Variants in ZFHX3 observed in about 807,000 individuals in gnomAD.
ZFHX3 encodes the protein zinc finger homeobox 3, also known as zinc finger homeobox protein 3.
A neutral mutation model predicts 279.1 loss-of-function variants in ZFHX3; 42 were observed. The ratio of observed to expected loss-of-function variants is 0.15; its 90% CI spans 0.12 to 0.19. The LOEUF (loss-of-function observed/expected upper bound fraction) is 0.19. ZFHX3 is among the 10% of genes least tolerant of loss of function. ZFHX3 has a pLI of 1.00. For synonymous variants in ZFHX3, 2,293 were observed against 1,957.8 expected (o/e 1.17, Z -4.52); for missense variants, 4,981 against 4,754.0 (o/e 1.05, Z -1.40).
chr16:72,903,771 C>G (rs1481254056), intron 3 of ZFHX3, among the ~76,000 whole-genome samples: 1 of 152,180 alleles, frequency 6.6e-6, no homozygotes, highest in Non-Finnish European at 1.5e-5. Flanking sequence ...ACGAGAATAA[C>G]TGGGTCTTTT....
intron 4 of ZFHX3, among the ~76,000 whole-genome samples, chr16:73,317,062 T>C (rs2143184053): frequency 6.6e-6 from 1 of 152,218 alleles, no homozygotes; most frequent in South Asian, 2.1e-4. Context: ...TGGGCAGGTC[T>C]AGGGTGATGG....
rs576075076 is a variant in ZFHX3, at chr16:73,567,800, C to T, written c.-1546-111542G>A. Among the ~76,000 whole-genome samples the T allele has an allele frequency of 6.6e-5, 10 of 152,242 alleles. No individual in the cohort carries two copies. The South Asian group carries it at 1.5e-3, about 22-fold the overall frequency. On this transcript the variant is annotated intron_variant, in intron 2 of 17. Coordinates refer to the ZFHX3 transcript ENST00000641206. ...AACAGGCAACAATATTGTATACCTTCGAATTTTTCAATAACGAGCCTTGAA... is the reference window on the plus strand; with the variant it reads ...AACAGGCAACAATATTGTATACCTTTGAATTTTTCAATAACGAGCCTTGAA...
intron 4 of ZFHX3, among the ~76,000 whole-genome samples, chr16:72,851,748 A>G (rs755235578): frequency 6.6e-6 from 1 of 151,954 alleles, no homozygotes; most frequent in African/African-American, 2.4e-5. Context: ...ACGGGGTTTC[A>G]CCATGTTGGC....
At chr16:73,572,577 G>A (rs1015120881) in intron 2 of ZFHX3, among the ~76,000 whole-genome samples, 1 of 152,138 alleles carries the variant, frequency 6.6e-6, no homozygotes, top group African/African-American at 2.4e-5. Flanking sequence ...TTGGTCCACA[G>A]AACAATCACA....
chr16:73,755,024 T>A (rs2053795651), intron 1 of ZFHX3, among the ~76,000 whole-genome samples: 1 of 152,220 alleles, frequency 6.6e-6, no homozygotes, highest in Non-Finnish European at 1.5e-5. Context: ...ACAAAGGAGA[T>A]GCTTGTGTCA....
intron 3 of ZFHX3, among the ~76,000 whole-genome samples, chr16:73,422,999 T>A (rs1298335856): frequency 6.6e-6 from 1 of 152,194 alleles, no homozygotes; most frequent in Non-Finnish European, 1.5e-5. Flanking sequence ...CATTGTGTCT[T>A]CAAATGGTCT....
At chr16:73,293,986 C>CAAAAAAA (rs56783722) in intron 4 of ZFHX3, 21 of 41,748 alleles carry the variant, frequency 5.0e-4, no homozygotes, top group African/African-American at 1.3e-3. Context: ...GTCAATATGC[C>CAAAAAAA]AAAAAAAAAA....
At chr16:72,985,055 C>CA (rs1962788417) in intron 1 of ZFHX3, among the ~76,000 whole-genome samples, 1 of 152,184 alleles carries the variant, frequency 6.6e-6, no homozygotes, top group African/African-American at 2.4e-5. Flanking sequence ...AACACGCCCC[C>CA]ACAGGCAAGA....
Position 72,787,039 on chromosome 16 carries a change from C to CTTTTTT in ZFHX3, c.*119_*124dup, listed in dbSNP as rs76239888. ...ACAACCCACGCTTTTTCTTTTTTTT[C>CTTTTTT]TTTTTTTTTTTTTTTTTGTTTTTTG... is the stretch of plus-strand genomic sequence containing the variant. On this transcript the variant is annotated 3_prime_UTR_variant, in exon 10 of 10. Transcript: ENST00000268489. 11 of 684,950 alleles carry CTTTTTT rather than the reference C, an allele frequency of 1.6e-5. No homozygotes were observed. Among genetic ancestry groups the CTTTTTT allele is most frequent in the South Asian group, 1.3e-4 (2 of 15,328 alleles). 42.4% of individuals were successfully genotyped at this position (684,950 alleles called of 1,614,324 possible). A position where few individuals can be genotyped will look rare whatever the true frequency, so the allele number is the denominator to read the frequency against.
At chr16:73,698,714 A>T (rs2053219917) in intron 1 of ZFHX3, among the ~76,000 whole-genome samples, 1 of 152,170 alleles carries the variant, frequency 6.6e-6, no homozygotes, top group Non-Finnish European at 1.5e-5. Flanking sequence ...GAAACTGTCA[A>T]GGTCATGGAA....
intron 8 of ZFHX3, among the ~76,000 whole-genome samples, chr16:73,066,333 G>C (rs903589074): frequency 6.6e-6 from 1 of 152,186 alleles, no homozygotes; most frequent in African/African-American, 2.4e-5. Flanking sequence ...CCTTATCATT[G>C]AGAATTCGAC....
chr16:72,830,122 T>C (rs1268700260), intron 4 of ZFHX3, among the ~76,000 whole-genome samples: 1 of 152,208 alleles, frequency 6.6e-6, no homozygotes, highest in Non-Finnish European at 1.5e-5. Context: ...TCCAGATAGA[T>C]TCTGAATGCT....
chr16:73,262,719 C>T (rs1403921363), intron 4 of ZFHX3, among the ~76,000 whole-genome samples: 1 of 152,108 alleles, frequency 6.6e-6, no homozygotes, highest in African/African-American at 2.4e-5. Context: ...TTTTCTCTAC[C>T]CCTTTAACGT....
At chr16:73,301,690 T>A (rs1005805239) in intron 4 of ZFHX3, among the ~76,000 whole-genome samples, 10 of 151,418 alleles carry the variant, frequency 6.6e-5, no homozygotes, top group African/African-American at 2.4e-4. Context: ...GCCAAGTCCC[T>A]CATGGCTTAA....
At chr16:73,075,470 C>T (rs933085154) in intron 8 of ZFHX3, among the ~76,000 whole-genome samples, 1 of 152,134 alleles carries the variant, frequency 6.6e-6, no homozygotes, top group African/African-American at 2.4e-5. Flanking sequence ...ACTTCTCTCT[C>T]TCATGGCAAA....
intron 3 of ZFHX3, among the ~76,000 whole-genome samples, chr16:73,348,620 G>A (rs1319806342): frequency 2.6e-5 from 4 of 152,288 alleles, no homozygotes; most frequent in South Asian, 4.1e-4. Context: ...ACTGATCTTC[G>A]CAGGTGTTAT....
Position 73,200,226 on chromosome 16 carries a change from G to A in ZFHX3, c.-1103-56395C>T, listed in dbSNP as rs865979117. Among the ~76,000 whole-genome samples, 29 of 152,160 alleles carry A rather than the reference G, an allele frequency of 1.9e-4. 1 individual carries two copies. Among genetic ancestry groups the A allele is most frequent in the Admixed American group, 5.2e-4 (8 of 15,292 alleles). ...AATAGTAGTAAATCGTATTAAATTG[G>A]TGGAATTTCTAAAGTCTCCTATCCA... is the stretch of plus-strand genomic sequence containing the variant. On this transcript the variant is annotated intron_variant, in intron 5 of 17. Transcript: ENST00000641206.
upstream of ZFHX3, among the ~76,000 whole-genome samples, chr16:73,048,648 T>TC (rs1388591049): frequency 2.0e-5 from 3 of 152,138 alleles, no homozygotes; most frequent in Non-Finnish European, 2.9e-5. Context: ...GAGCCATCGC[T>TC]CCCTGGGCCC....
At chr16:73,027,981 G>A (rs1964570310) in intron 1 of ZFHX3, among the ~76,000 whole-genome samples, 1 of 152,090 alleles carries the variant, frequency 6.6e-6, no homozygotes, top group African/African-American at 2.4e-5. Flanking sequence ...GGCCTTCCCA[G>A]CACAGACGCC....
Sources: gnomAD v4.1 joint callset for allele counts (sites outside exome capture counted in the v4.1 genomes callset) on GRCh38, gnomAD v4.1.1 for gene constraint, MANE v1.5 for transcripts, NCBI Gene and HGNC (gene_info 2026-07-23, HGNC 2026-07-21) for gene names.